The following PTCH1 variants were observed in gnomAD, a reference collection of about 807,000 sequenced individuals.
PTCH1 encodes the protein patched 1.
Under a neutral mutation model 144.6 loss-of-function variants are expected in PTCH1, and 14 were observed. The observed-to-expected ratio is 0.10, with a 90% CI of 0.06 to 0.15. The LOEUF (loss-of-function observed/expected upper bound fraction) is 0.15. PTCH1 is among the 10% of genes least tolerant of loss of function. The pLI is 1.00. For missense variants in PTCH1, 1,623 were observed against 1,948.3 expected (o/e 0.83, Z 3.14); for synonymous variants, 833 against 793.6 (o/e 1.05, Z -0.83).
chr9:95,498,215 TAATA>T (rs774669986), intron 2 of PTCH1, among the ~76,000 whole-genome samples: 1 of 152,332 alleles, frequency 6.6e-6, no homozygotes, highest in African/African-American at 2.4e-5. Context: ...ATCCGAACAA[TAATA>T]AATAAAGCTT....
intron 2 of PTCH1, among the ~76,000 whole-genome samples, chr9:95,499,044 C>T (rs1209311074): frequency 1.3e-5 from 2 of 152,170 alleles, no homozygotes; most frequent in Non-Finnish European, 2.9e-5. Flanking sequence ...GTTTGTGCTC[C>T]ACTCACTGTC....
intron 23 of PTCH1, 63 bp from the exon 24 acceptor site, chr9:95,446,454 A>C (rs1481199608): frequency 3.9e-6 from 2 of 514,636 alleles, no homozygotes; most frequent in African/African-American, 3.8e-5. Context: ...CGTATTTATA[A>C]AGTACAAAAG....
At chr9:95,482,733 C>A in intron 3 of PTCH1, 1 of 182,398 alleles carries the variant, frequency 5.5e-6, no homozygotes, top group Non-Finnish European at 1.2e-5. Flanking sequence ...TTCACAGTCT[C>A]TTCTATTCCT....
intron 19 of PTCH1, among the ~76,000 whole-genome samples, chr9:95,455,898 ACT>A (rs1380004070): frequency 6.6e-6 from 1 of 151,866 alleles, no homozygotes; most frequent in Non-Finnish European, 1.5e-5. Context: ...TGTTTTTAAA[ACT>A]CTGTGTATGC....
chr9:95,475,055 T>C (rs1840907664), intron 12 of PTCH1, among the ~76,000 whole-genome samples: 1 of 152,150 alleles, frequency 6.6e-6, no homozygotes, highest in Admixed American at 6.6e-5. Flanking sequence ...ATATCAAAAC[T>C]CCAGGCCACT....
intron 1 of PTCH1, chr9:95,507,507 G>A (rs1016538531): frequency 6.4e-6 from 6 of 935,028 alleles, no homozygotes; most frequent in Non-Finnish European, 7.7e-6. Context: ...GTGGCAATTT[G>A]TTTACAACTT....
chr9:95,470,376 C>T (rs1362556198), intron 12 of PTCH1, among the ~76,000 whole-genome samples: 1 of 152,180 alleles, frequency 6.6e-6, no homozygotes, highest in Non-Finnish European at 1.5e-5. Flanking sequence ...AAATGTCCCC[C>T]TTTAAAACGT....
At position 95,447,457 on chromosome 9, in the gene PTCH1, G is replaced by C; in HGVS notation, c.3805-6C>G. On this transcript the variant is annotated splice_polypyrimidine_tract_variant and splice_region_variant and intron_variant, in intron 22 of 23. Coordinates refer to ENST00000331920, the MANE Select transcript of PTCH1 (RefSeq NM_000264.5). ...CTGGATTCGGGATGGACCACCTGCA[G>C]AGGGTGAGGGTGGGTTAGAAGGGTG... 1 of 1,561,132 alleles carries C rather than the reference G, an allele frequency of 6.4e-7. No individual in the cohort carries two copies. The highest frequency in any genetic ancestry group is 8.6e-7 in the Non-Finnish European group (1 of 1,158,732).
Position 95,508,758 on chromosome 9 carries a change from CCCGCG to C in PTCH1, c.-402_-398del. The C allele has an allele frequency of 1.0e-6, 1 of 983,804 alleles. No individual in the cohort carries two copies. The allele number at this position is 983,804 out of a possible 1,614,324, so 60.9% of individuals were successfully genotyped here. ...CCAACTCCCCCTACCCGCCCCCCGC[CCCGCG>C]CCGCGACCCCTTCACTGCAGAAAGA... On this transcript the variant is annotated 5_prime_UTR_variant, in exon 1 of 24. Transcript: ENST00000331920.
In PTCH1 at chr9:95,467,440, G is replaced by A. The variant is rs1042259970; in HGVS notation, c.2251-15C>T. On this transcript the variant is annotated splice_polypyrimidine_tract_variant and intron_variant, in intron 14 of 23. Coordinates refer to ENST00000331920, the MANE Select transcript of PTCH1 (RefSeq NM_000264.5). The stretch of plus-strand genomic sequence containing the variant: ...ATCACCACTACCTGGAACAGAAGAG[G>A]CACAAGGTCAGACCCCAGGGAGCAC... The A allele has an allele frequency of 1.2e-6, 2 of 1,612,932 alleles. No homozygotes were observed. The highest frequency in any genetic ancestry group is 1.7e-5 in the Admixed American group (1 of 59,936).
In PTCH1 at chr9:95,444,207, C is replaced by T. The variant is rs1362312457; in HGVS notation, c.*2186G>A. On this transcript the variant is annotated 3_prime_UTR_variant, in exon 24 of 24. Transcript: ENST00000331920. Reference sequence around the variant, plus strand: ...AAATTCTAATTCCCTGCCAGCCCCACCCCCCGCCCACCCCAGTTCTCCCTT... The same window carrying T: ...AAATTCTAATTCCCTGCCAGCCCCATCCCCCGCCCACCCCAGTTCTCCCTT... The T allele has an allele frequency of 8.0e-6, 1 of 124,258 alleles. No homozygotes were observed. The highest frequency in any genetic ancestry group is 1.7e-5 in the Non-Finnish European group (1 of 60,312). 7.7% of individuals were successfully genotyped at this position (124,258 alleles called of 1,614,324 possible).
chr9:95,462,874 C>T (rs1320726789), intron 15 of PTCH1, among the ~76,000 whole-genome samples: 1 of 152,232 alleles, frequency 6.6e-6, no homozygotes, highest in African/African-American at 2.4e-5. Context: ...CATTACAGAC[C>T]TGACGGTTTG....
chr9:95,508,825 GCT>G lies in PTCH1; in HGVS notation c.-466_-465del, dbSNP rs952587145. On this transcript the variant is annotated 5_prime_UTR_variant, in exon 1 of 24. An upstream open reading frame in the 5' UTR loses its in-frame stop. Transcript: ENST00000331920. Reference sequence around the variant, plus strand: ...CCCGCTGCTCCCGCCGGCCGCGCTGGCTCTCTCGGCGCCTCCCGGGTCGCCCG... The same window carrying G: ...CCCGCTGCTCCCGCCGGCCGCGCTGGCTCTCGGCGCCTCCCGGGTCGCCCG... The G allele has an allele frequency of 5.1e-5, 50 of 983,950 alleles. No individual in the cohort carries two copies. Among genetic ancestry groups the G allele is most frequent in the Middle Eastern group, 1.0e-3 (2 of 1,930 alleles). 61.0% of individuals were successfully genotyped at this position (983,950 alleles called of 1,614,324 possible). A position where few individuals can be genotyped will look rare whatever the true frequency, so the allele number is the denominator to read the frequency against.
At chr9:95,479,915 T>C in intron 7 of PTCH1, 54 bp downstream of exon 7, 1 of 1,613,932 alleles carries the variant, frequency 6.2e-7, no homozygotes, top group Non-Finnish European at 8.5e-7. Context: ...GAAGTGGCTT[T>C]TGAGGAAAGG....
At chr9:95,471,991 C>G (rs944085366) in intron 12 of PTCH1, among the ~76,000 whole-genome samples, 1 of 152,174 alleles carries the variant, frequency 6.6e-6, no homozygotes. Flanking sequence ...GAGCCGAGAT[C>G]GCACCATTGC....
At chr9:95,513,126 A>G (rs1225086247), upstream of PTCH1, among the ~76,000 whole-genome samples, 3 of 152,244 alleles carry the variant, frequency 2.0e-5, no homozygotes, top group Non-Finnish European at 4.4e-5. Context: ...AATGATGACA[A>G]TGAAATAAAA....
rs1588550754 is a variant in PTCH1, at chr9:95,461,725, C to A, written c.2703+131G>T. On this transcript the variant is annotated intron_variant, in intron 16 of 23. Coordinates refer to ENST00000331920, the MANE Select transcript of PTCH1 (RefSeq NM_000264.5). ...AGGTGAATTAGAGTCACCCAATATT[C>A]TTTCTACCAGCTCCCAGTGCCTTAG... The A allele has an allele frequency of 3.8e-6, 5 of 1,314,906 alleles. No homozygotes were observed. The East Asian group carries it at 1.3e-4, about 33-fold the overall frequency. The allele number at this position is 1,314,906 out of a possible 1,614,324, so 81.5% of individuals were successfully genotyped here.
chr9:95,500,845 T>C (rs1326696881), intron 2 of PTCH1, among the ~76,000 whole-genome samples: 2 of 152,248 alleles, frequency 1.3e-5, no homozygotes, highest in Admixed American at 6.5e-5. Flanking sequence ...ACCTTCAGGC[T>C]ACTGGGGTTG....
chr9:95,474,842 AG>A (rs750533206), intron 12 of PTCH1, among the ~76,000 whole-genome samples: 2 of 152,248 alleles, frequency 1.3e-5, no homozygotes, highest in African/African-American at 2.4e-5. Context: ...TCGCATCTGC[AG>A]GAACTCTTGG....
Sources: gnomAD v4.1 joint callset for allele counts (sites outside exome capture counted in the v4.1 genomes callset) on GRCh38, gnomAD v4.1.1 for gene constraint, MANE v1.5 for transcripts, NCBI Gene and HGNC (gene_info 2026-07-23, HGNC 2026-07-21) for gene names.